The following CADM2 variants were observed in gnomAD, a reference collection of about 807,000 sequenced individuals.
CADM2 encodes immunoglobulin superfamily member 4D.
Under a neutral mutation model 49.8 loss-of-function variants are expected in CADM2, and 12 were observed. The ratio of observed to expected loss-of-function variants is 0.24; its 90% CI spans 0.15 to 0.39. CADM2 has a LOEUF of 0.39. Ranked by LOEUF, CADM2 falls within the 10% of genes least tolerant of loss-of-function variation. The pLI, the probability that CADM2 is intolerant of heterozygous loss-of-function variation, is 1.00. For synonymous variants in CADM2, 214 were observed against 175.4 expected, an observed-to-expected ratio of 1.22 and a Z score of -1.74; for missense variants, 378 against 492.3, an observed-to-expected ratio of 0.77 and a Z score of 2.20.
At chr3:85,603,620 C>A (rs895188937) in intron 1 of CADM2, among the ~76,000 whole-genome samples, 1 of 151,850 alleles carries the variant, frequency 6.6e-6, no homozygotes, top group Non-Finnish European at 1.5e-5. Context: ...TGGCTCAGCA[C>A]CTGTCTCCCA....
At chr3:85,660,369 C>T (rs2065361893) in intron 1 of CADM2, among the ~76,000 whole-genome samples, 2 of 151,334 alleles carry the variant, frequency 1.3e-5, no homozygotes, top group African/African-American at 4.9e-5. Context: ...TAGTCTACAA[C>T]CTTTTAGACT....
intron 5 of CADM2, among the ~76,000 whole-genome samples, chr3:85,892,019 A>G (rs1207292327): frequency 1.3e-5 from 2 of 152,194 alleles, no homozygotes; most frequent in East Asian, 3.9e-4. Context: ...GAGAGACAGA[A>G]TATTTTTTCA....
chr3:85,130,972 G>A (rs1225326541), intron 1 of CADM2, among the ~76,000 whole-genome samples: 2 of 152,098 alleles, frequency 1.3e-5, no homozygotes, highest in Non-Finnish European at 2.9e-5. Flanking sequence ...CACTTGAAGT[G>A]AGGAGTTCAA....
intron 1 of CADM2, among the ~76,000 whole-genome samples, chr3:85,596,077 AT>A (rs1299178787): frequency 4.6e-5 from 7 of 151,740 alleles, no homozygotes; most frequent in Admixed American, 2.6e-4. Flanking sequence ...ATTATTTTAT[AT>A]TTTTGCTTTC....
At chr3:85,251,608 A>G (rs1333631523) in intron 1 of CADM2, among the ~76,000 whole-genome samples, 2 of 151,974 alleles carry the variant, frequency 1.3e-5, no homozygotes, top group Non-Finnish European at 2.9e-5. Context: ...ATTATTACAG[A>G]TATTGTATCA....
At chr3:85,448,159 G>A (rs977547483) in intron 1 of CADM2, among the ~76,000 whole-genome samples, 1 of 151,438 alleles carries the variant, frequency 6.6e-6, no homozygotes, top group African/African-American at 2.4e-5. Context: ...GTGAAACCCC[G>A]TCTCTACTGA....
intron 1 of CADM2, among the ~76,000 whole-genome samples, chr3:85,215,650 T>A (rs1559725471): frequency 6.6e-6 from 1 of 152,052 alleles, no homozygotes; most frequent in Non-Finnish European, 1.5e-5. Context: ...CACCAGGAAT[T>A]GCATTTCTTG....
chr3:85,696,347 A>G (rs1373817900), intron 1 of CADM2, among the ~76,000 whole-genome samples: 2 of 152,054 alleles, frequency 1.3e-5, no homozygotes, highest in Non-Finnish European at 2.9e-5. Flanking sequence ...GCCTAGGCCA[A>G]TGTCCAGACA....
At chr3:85,950,019 T>A (rs73843523) in intron 7 of CADM2, among the ~76,000 whole-genome samples, 1 of 151,054 alleles carries the variant, frequency 6.6e-6, no homozygotes, top group Non-Finnish European at 1.5e-5. Flanking sequence ...TTCTGAGAAA[T>A]GCACACTCAT....
chr3:85,959,142 A>ATCTG (rs1324091185), intron 7 of CADM2, among the ~76,000 whole-genome samples: 1 of 103,746 alleles, frequency 9.6e-6, no homozygotes, highest in East Asian at 2.6e-4. Flanking sequence ...GTATATCTTT[A>ATCTG]TCTATCTATC....
In CADM2 at chr3:86,052,357, A is replaced by T. The variant is rs535385812; in HGVS notation, c.971-13248A>T. On this transcript the variant is annotated intron_variant, in intron 8 of 9. Coordinates refer to ENST00000383699, the MANE Select transcript of CADM2 (RefSeq NM_001167675.2). ...TGAAAAGTTTTAAAATTTTACTTTT[A>T]TTATTATAACATATAGTGTGGAATA... 4.6e-5 allele frequency among the ~76,000 whole-genome samples: 7 copies of T among 152,208 alleles called. No homozygotes were observed. In the East Asian group the frequency reaches 1.4e-3, roughly 29 times the overall value.
At chr3:85,139,959 A>C (rs940859327) in intron 1 of CADM2, among the ~76,000 whole-genome samples, 2 of 152,272 alleles carry the variant, frequency 1.3e-5, no homozygotes, top group South Asian at 4.1e-4. Flanking sequence ...GAGAGAAGAC[A>C]GTGAGATGAG....
intron 6 of CADM2, among the ~76,000 whole-genome samples, chr3:85,924,226 T>C (rs1719528524): frequency 6.6e-6 from 1 of 152,124 alleles, no homozygotes; most frequent in Non-Finnish European, 1.5e-5. Context: ...AATTATGAAA[T>C]ATCATTACTT....
intron 1 of CADM2, among the ~76,000 whole-genome samples, chr3:85,287,633 G>C (rs17022677): frequency 0.066 from 9,998 of 151,974 alleles, 1,079 homozygotes; most frequent in African/African-American, 0.23. Flanking sequence ...AAATATGCAT[G>C]GACTTAATGT....
chr3:85,979,514 A>G (rs1727216626), intron 8 of CADM2, among the ~76,000 whole-genome samples: 1 of 151,634 alleles, frequency 6.6e-6, no homozygotes, highest in Admixed American at 6.6e-5. Flanking sequence ...CAGAATATAG[A>G]TTTAAAATAT....
chr3:85,552,473 C>T (rs933012323), intron 1 of CADM2, among the ~76,000 whole-genome samples: 8 of 148,310 alleles, frequency 5.4e-5, no homozygotes, highest in Non-Finnish European at 1.0e-4. Flanking sequence ...CTCCGCCTCC[C>T]GGGTTCACGC....
At chr3:85,636,050 C>G (rs564816759) in intron 1 of CADM2, among the ~76,000 whole-genome samples, 14 of 152,232 alleles carry the variant, frequency 9.2e-5, no homozygotes, top group African/African-American at 3.4e-4. Context: ...ATGTTACCAG[C>G]TTATGTATTT....
chr3:85,352,861 T>G (rs66516423), intron 1 of CADM2, among the ~76,000 whole-genome samples: 78,961 of 151,894 alleles, frequency 0.52, 21,931 homozygotes, highest in East Asian at 0.81. Flanking sequence ...ACTTGAATTT[T>G]TCTTCCTCAA....
At chr3:85,991,537 A>T (rs1295802622) in intron 8 of CADM2, among the ~76,000 whole-genome samples, 3 of 152,150 alleles carry the variant, frequency 2.0e-5, no homozygotes, top group Non-Finnish European at 4.4e-5. Flanking sequence ...TAACACACCC[A>T]TTGCAATAAT....
Sources: allele counts gnomAD v4.1 joint callset (sites outside exome capture counted in the v4.1 genomes callset), GRCh38; gene constraint gnomAD v4.1.1; transcripts MANE v1.5; gene names NCBI Gene and HGNC (gene_info 2026-07-23, HGNC 2026-07-21).